The following ADCY2 variants were observed in gnomAD, a reference collection of about 807,000 sequenced individuals.
The protein encoded by ADCY2 is adenylate cyclase 2.
A neutral mutation model predicts 125.2 loss-of-function variants in ADCY2; 31 were observed. The ratio of observed to expected loss-of-function variants is 0.25; its 90% CI spans 0.19 to 0.33. The LOEUF (loss-of-function observed/expected upper bound fraction) is 0.33. ADCY2 is among the 10% of genes least tolerant of loss of function. The pLI is 1.00. For missense variants in ADCY2, 904 were observed against 1,418.2 expected, an observed-to-expected ratio of 0.64 and a Z score of 5.82; for synonymous variants, 512 against 548.4, an observed-to-expected ratio of 0.93 and a Z score of 0.93.
chr5:7,415,618 G>A (rs142266626), intron 2 of ADCY2, among the ~76,000 whole-genome samples: 2 of 152,180 alleles, frequency 1.3e-5, no homozygotes, highest in African/African-American at 4.8e-5. Context: ...CCCTCCACAT[G>A]GTCACAAGCT....
At chr5:7,452,648 C>T (rs1046537369) in intron 2 of ADCY2, among the ~76,000 whole-genome samples, 2 of 152,136 alleles carry the variant, frequency 1.3e-5, no homozygotes, top group African/African-American at 4.8e-5. Flanking sequence ...ATGGTAGATC[C>T]ACTTTGAATT....
chr5:7,548,845 A>T (rs967222571), intron 3 of ADCY2, among the ~76,000 whole-genome samples: 1 of 152,200 alleles, frequency 6.6e-6, no homozygotes, highest in African/African-American at 2.4e-5. Flanking sequence ...TTGTGAAATT[A>T]AAAATAAACA....
intron 2 of ADCY2, among the ~76,000 whole-genome samples, chr5:7,438,149 G>A (rs951542421): frequency 3.3e-5 from 5 of 152,158 alleles, no homozygotes; most frequent in African/African-American, 9.7e-5. Flanking sequence ...AGCCAAGAAG[G>A]TCCACCGGAA....
At chr5:7,613,155 A>G (rs1187760970) in intron 3 of ADCY2, among the ~76,000 whole-genome samples, 1 of 144,702 alleles carries the variant, frequency 6.9e-6, no homozygotes, top group Admixed American at 6.9e-5. Context: ...CTTAAAGTAT[A>G]ATAATAAAAA....
At chr5:7,439,845 C>T (rs1267863427) in intron 2 of ADCY2, among the ~76,000 whole-genome samples, 1 of 151,936 alleles carries the variant, frequency 6.6e-6, no homozygotes, top group Non-Finnish European at 1.5e-5. Context: ...TTGAATGTGG[C>T]AGAGAGGAGA....
At chr5:7,819,149 G>A (rs1019485976) in intron 23 of ADCY2, among the ~76,000 whole-genome samples, 10 of 152,100 alleles carry the variant, frequency 6.6e-5, no homozygotes, top group South Asian at 6.2e-4. Context: ...TTCTGGCCAC[G>A]CTGGCAGCTG....
At chr5:7,809,774 G>A (rs972647383) in intron 22 of ADCY2, among the ~76,000 whole-genome samples, 2 of 152,310 alleles carry the variant, frequency 1.3e-5, no homozygotes, top group Admixed American at 1.3e-4. Context: ...GCCTGGCTCT[G>A]TTTTGCCTCA....
chr5:7,526,828 G>A (rs1279475749), intron 3 of ADCY2, among the ~76,000 whole-genome samples: 1 of 152,110 alleles, frequency 6.6e-6, no homozygotes, highest in African/African-American at 2.4e-5. Context: ...AGACATGCTG[G>A]AATCCCTTAA....
chr5:7,595,679 C>T (rs1224808976), intron 3 of ADCY2, among the ~76,000 whole-genome samples: 1 of 152,124 alleles, frequency 6.6e-6, no homozygotes, highest in Non-Finnish European at 1.5e-5. Flanking sequence ...CCAGACCCCC[C>T]ACCTCACAGA....
At chr5:7,399,739 A>G (rs1739193041) in intron 1 of ADCY2, among the ~76,000 whole-genome samples, 1 of 152,202 alleles carries the variant, frequency 6.6e-6, no homozygotes, top group Admixed American at 6.5e-5. Flanking sequence ...CATGGAGAGT[A>G]TTCATGAAAA....
At chr5:7,512,305 T>C (rs559551042) in intron 2 of ADCY2, among the ~76,000 whole-genome samples, 45 of 151,234 alleles carry the variant, frequency 3.0e-4, no homozygotes, top group Non-Finnish European at 5.9e-4. Flanking sequence ...TTTTAACATA[T>C]TGTTTTGACT....
intron 4 of ADCY2, among the ~76,000 whole-genome samples, chr5:7,682,900 T>C (rs1740388366): frequency 6.6e-6 from 1 of 152,268 alleles, no homozygotes; most frequent in African/African-American, 2.4e-5. Context: ...TGAATTATCA[T>C]GACTCCAGCT....
chr5:7,460,368 A>G (rs1375437778), intron 2 of ADCY2, among the ~76,000 whole-genome samples: 1 of 152,178 alleles, frequency 6.6e-6, no homozygotes, highest in Non-Finnish European at 1.5e-5. Flanking sequence ...AGCTGGGACT[A>G]TAGGTCCATG....
intron 20 of ADCY2, chr5:7,793,942 G>A (rs1744337498): frequency 6.6e-6 from 1 of 152,204 alleles, no homozygotes. Flanking sequence ...AAAGAGCTTG[G>A]TTTCAGAGCT....
chr5:7,705,570 G>A (rs1233832081), intron 7 of ADCY2, among the ~76,000 whole-genome samples: 1 of 152,114 alleles, frequency 6.6e-6, no homozygotes, highest in Non-Finnish European at 1.5e-5. Flanking sequence ...GGACACCCCG[G>A]TGCTGGGTGC....
intron 3 of ADCY2, among the ~76,000 whole-genome samples, chr5:7,530,788 G>T (rs1376163941): frequency 6.6e-6 from 1 of 151,914 alleles, no homozygotes; most frequent in Admixed American, 6.6e-5. Context: ...TCCCTGCCAT[G>T]GGAGCCCCAA....
At chr5:7,404,332 T>G (rs1739388411) in intron 1 of ADCY2, among the ~76,000 whole-genome samples, 1 of 152,218 alleles carries the variant, frequency 6.6e-6, no homozygotes, top group Non-Finnish European at 1.5e-5. Flanking sequence ...TTGTGTGTGT[T>G]TTTATCTTTA....
chr5:7,727,462 T>G (rs1365212843), intron 14 of ADCY2, among the ~76,000 whole-genome samples: 1 of 152,154 alleles, frequency 6.6e-6, no homozygotes, highest in Non-Finnish European at 1.5e-5. Context: ...ATTTTCAAAG[T>G]GGACATGTTG....
In ADCY2 at chr5:7,512,218, C is replaced by CAAAAAAAAAAAAAAAAAAAAAAAAA. The variant is rs57381383; in HGVS notation, c.409-8498_409-8497insAAAAAAAAAAAAAAAAAAAAAAAAA. On this transcript the variant is annotated intron_variant, in intron 2 of 24. Coordinates refer to ENST00000338316, the MANE Select transcript of ADCY2 (RefSeq NM_020546.3). The stretch of plus-strand genomic sequence containing the variant: ...CCTGGGCAGTAGAGCATGACTCCAT[C>CAAAAAAAAAAAAAAAAAAAAAAAAA]AAAAAAAAAAAAAAAAAAAAAAGAA... Among the ~76,000 whole-genome samples the CAAAAAAAAAAAAAAAAAAAAAAAAA allele has an allele frequency of 2.6e-4, 15 of 57,888 alleles. 1 individual carries two copies. Among genetic ancestry groups the CAAAAAAAAAAAAAAAAAAAAAAAAA allele is most frequent in the Non-Finnish European group, 3.4e-4 (12 of 35,440 alleles). The allele number at this position is 57,888 out of a possible 152,430, so 38.0% of individuals were successfully genotyped here. A position where few individuals can be genotyped will look rare whatever the true frequency, so the allele number is the denominator to read the frequency against.
Sources: gnomAD v4.1 joint callset for allele counts (sites outside exome capture counted in the v4.1 genomes callset) on GRCh38, gnomAD v4.1.1 for gene constraint, MANE v1.5 for transcripts, NCBI Gene and HGNC (gene_info 2026-07-23, HGNC 2026-07-21) for gene names.